The following PPP2R1B variants were observed in gnomAD, a reference collection of about 807,000 sequenced individuals.
PPP2R1B encodes protein phosphatase 2 scaffold subunit Abeta, also known as serine/threonine-protein phosphatase 2A 65 kDa regulatory subunit A beta isoform.
PPP2R1B carries 58 observed loss-of-function variants against 72.7 expected under a neutral mutation model. That is an observed-to-expected ratio of 0.80 (90% CI 0.65 to 0.99). The LOEUF is 0.99. Ranked by LOEUF, PPP2R1B falls within the 50% of genes least tolerant of loss-of-function variation. PPP2R1B has a pLI of 0.00. For synonymous variants in PPP2R1B, 256 were observed against 264.6 expected (o/e 0.97, Z 0.32); for missense variants, 695 against 733.6 (o/e 0.95, Z 0.61).
rs147842509 is a variant in PPP2R1B, at chr11:111,765,773, C to A, written c.115-389G>T. 8.5e-4 allele frequency: 406 copies of A among 475,844 alleles called. No individual in the cohort carries two copies. The East Asian group carries it at 9.7e-3, about 11-fold the overall frequency. 29.5% of individuals were successfully genotyped at this position (475,844 alleles called of 1,614,324 possible). A position where few individuals can be genotyped will look rare whatever the true frequency, so the allele number is the denominator to read the frequency against. On this transcript the variant is annotated intron_variant, in intron 1 of 14. Transcript: ENST00000527614. ...GGATACACTACTCGTCCAGATTAATCGGCCATCCCACCCCCGCTTTCTACC... is the reference window on the plus strand; with the variant it reads ...GGATACACTACTCGTCCAGATTAATAGGCCATCCCACCCCCGCTTTCTACC...
Position 111,764,878 on chromosome 11 carries a change from A to C in PPP2R1B, c.233T>G (p.Leu78Arg). 1 of 1,614,110 alleles carries C rather than the reference A, an allele frequency of 6.2e-7. No individual in the cohort carries two copies. The highest frequency in any genetic ancestry group is 2.2e-5 in the East Asian group (1 of 44,878). Reference protein sequence around the residue: ...TDTIYDEDEVLLALAEQLGNF... With the variant: ...TDTIYDEDEVRLALAEQLGNF... ...TCCCAGCTGCTCAGCAAGAGCTAAT[A>C]GTACCTCATCTTCATCATAAATTGT... is the stretch of plus-strand genomic sequence containing the variant. Residue 78 changes from leucine (L) to arginine (R), a missense_variant, in exon 3 of 15, where the codon CTA (leucine) becomes CGA (arginine). Leu to Arg is a moderately radical substitution (Grantham distance 102). Coordinates refer to ENST00000527614, the MANE Select transcript of PPP2R1B (RefSeq NM_002716.5).
intron 11 of PPP2R1B, among the ~76,000 whole-genome samples, chr11:111,746,528 G>C (rs1222858666): frequency 1.3e-5 from 2 of 152,082 alleles, no homozygotes; most frequent in Non-Finnish European, 2.9e-5. Context: ...AATGCATGTG[G>C]GGCTTAAAAC....
intron 5 of PPP2R1B, among the ~76,000 whole-genome samples, chr11:111,757,664 T>C (rs933106644): frequency 1.3e-5 from 2 of 151,852 alleles, no homozygotes; most frequent in African/African-American, 4.8e-5. Flanking sequence ...TGAAACCCCA[T>C]CTGTACTGAA....
chr11:111,751,954 G>A (rs1555048038), intron 10 of PPP2R1B, among the ~76,000 whole-genome samples: 1 of 152,196 alleles, frequency 6.6e-6, no homozygotes, highest in African/African-American at 2.4e-5. Flanking sequence ...TCCAGCCTGG[G>A]CAACAACAGT....
intron 15 of PPP2R1B, chr11:111,728,071 C>T (rs1944034171): frequency 6.6e-6 from 1 of 152,168 alleles, no homozygotes; most frequent in Non-Finnish European, 1.5e-5. Context: ...CAGTCTCAGT[C>T]CCTGTGAACA....
chr11:111,711,770 C>T, the PPP2R1B span, among the ~76,000 whole-genome samples: 2 of 152,220 alleles, frequency 1.3e-5, no homozygotes, highest in Non-Finnish European at 2.9e-5. Flanking sequence ...CTGACTCCAG[C>T]GTCCCTTGTG....
At chr11:111,708,257 TTATAATCCCAGC>T in the PPP2R1B span, among the ~76,000 whole-genome samples, 1 of 152,042 alleles carries the variant, frequency 6.6e-6, no homozygotes, top group Admixed American at 6.6e-5. Flanking sequence ...TAGTGCGTGC[TTATAATCCCAGC>T]TATGCGGGAG....
intron 1 of PPP2R1B, chr11:111,765,718 T>C: frequency 4.1e-6 from 2 of 492,616 alleles, no homozygotes; most frequent in South Asian, 1.5e-5. Context: ...ATACAACACC[T>C]GTGGTTTCAA....
rs1402843733 is a variant in PPP2R1B, at chr11:111,739,504, CCCCGCTGAA to C, written c.*2083_*2091del. ...GAGGGGTCACCACAAAAGACAGAGG[CCCCGCTGAA>C]CCCCCGACCCATGCTTGAGAAAGCC... On this transcript the variant is annotated 3_prime_UTR_variant, in exon 15 of 15. Coordinates refer to ENST00000527614, the MANE Select transcript of PPP2R1B (RefSeq NM_002716.5). 6.1e-6 allele frequency: 6 copies of C among 985,284 alleles called. No homozygotes were observed. The East Asian group carries it at 6.8e-4, about 112-fold the overall frequency. The allele number at this position is 985,284 out of a possible 1,614,324, so 61.0% of individuals were successfully genotyped here. A position where few individuals can be genotyped will look rare whatever the true frequency, so the allele number is the denominator to read the frequency against.
rs782476594 is a variant in PPP2R1B at position 111,755,114 on chromosome 11, G to A, written c.844-20C>T. The A allele has an allele frequency of 6.3e-7, 1 of 1,582,998 alleles. No homozygotes were observed. The highest frequency in any genetic ancestry group is 8.6e-7 in the Non-Finnish European group (1 of 1,156,904). On this transcript the variant is annotated intron_variant, in intron 6 of 14. Coordinates refer to ENST00000527614, the MANE Select transcript of PPP2R1B (RefSeq NM_002716.5). ...CTGGAGCTATAAAAGAATTTGAACG[G>A]GTTTTAATGTATACTAACAAAAGAA...
chr11:111,731,193 T>G (rs1944179484), intron 15 of PPP2R1B, among the ~76,000 whole-genome samples: 1 of 152,168 alleles, frequency 6.6e-6, no homozygotes, highest in African/African-American at 2.4e-5. Flanking sequence ...CCAGGTAGCC[T>G]GGGCAAGGGC....
the PPP2R1B span, among the ~76,000 whole-genome samples, chr11:111,693,229 G>A: frequency 6.6e-6 from 1 of 152,088 alleles, no homozygotes. Flanking sequence ...CTACTCAGGA[G>A]GCTGAGGCAG....
chr11:111,727,304 C>T (rs1033796429), intron 15 of PPP2R1B: 1 of 525,102 alleles, frequency 1.9e-6, no homozygotes, highest in African/African-American at 1.9e-5. Context: ...CTGAGCAAAC[C>T]CCTTCTCTCT....
At chr11:111,736,603 G>T (rs1944347884), downstream of PPP2R1B, among the ~76,000 whole-genome samples, 1 of 152,224 alleles carries the variant, frequency 6.6e-6, no homozygotes, top group Non-Finnish European at 1.5e-5. Flanking sequence ...CCACGGACAA[G>T]TGTGCAGCCC....
chr11:111,748,152 A>T, intron 10 of PPP2R1B, 138 bp from the exon 11 acceptor site: 1 of 665,826 alleles, frequency 1.5e-6, no homozygotes, highest in Non-Finnish European at 2.5e-6. Flanking sequence ...GAAACACCAC[A>T]GGAATTACAA....
chr11:111,711,261 G>A, the PPP2R1B span, among the ~76,000 whole-genome samples: 6 of 151,934 alleles, frequency 3.9e-5, no homozygotes, highest in African/African-American at 9.7e-5. Context: ...TGGGACTACA[G>A]GCACCCGCCA....
At chr11:111,755,168 T>C in intron 6 of PPP2R1B, 74 bp from the exon 7 acceptor site, 17 of 1,536,804 alleles carry the variant, frequency 1.1e-5, no homozygotes, top group Non-Finnish European at 1.5e-5. Context: ...AATTGTGCAA[T>C]CTGTAAATAC....
rs1395488768 is a variant in PPP2R1B, at chr11:111,737,923, T to C, written c.*3673A>G. The C allele has an allele frequency of 1.9e-6, 2 of 1,048,310 alleles. No individual in the cohort carries two copies. The highest frequency in any genetic ancestry group is 3.9e-5 in the South Asian group (1 of 25,570). The allele number at this position is 1,048,310 out of a possible 1,614,324, so 64.9% of individuals were successfully genotyped here. ...AAGAGAACAACTCTGGAGACAGAAATGGCTTGGCTTTCCGACGCAATGAGT... is the reference window on the plus strand; with the variant it reads ...AAGAGAACAACTCTGGAGACAGAAACGGCTTGGCTTTCCGACGCAATGAGT... On this transcript the variant is annotated 3_prime_UTR_variant, in exon 15 of 15. Transcript: ENST00000527614.
intron 10 of PPP2R1B, 27 bp from the exon 11 acceptor site, chr11:111,748,041 A>G (rs1200090656): frequency 1.9e-6 from 3 of 1,593,380 alleles, no homozygotes; most frequent in African/African-American, 2.7e-5. Context: ...TTCCATTAAC[A>G]TACATTGCCA....
Sources: gnomAD v4.1 joint callset for allele counts (sites outside exome capture counted in the v4.1 genomes callset) on GRCh38, gnomAD v4.1.1 for gene constraint, MANE v1.5 for transcripts, NCBI Gene and HGNC (gene_info 2026-07-23, HGNC 2026-07-21) for gene names.